TERF1: variants seen among roughly 807,000 people sequenced by gnomAD.
The protein encoded by TERF1 is telomeric repeat binding factor 1, also known as telomeric repeat-binding factor 1.
A neutral mutation model predicts 55.1 loss-of-function variants in TERF1; 20 were observed. The ratio of observed to expected loss-of-function variants is 0.36; its 90% CI spans 0.26 to 0.53. The LOEUF (loss-of-function observed/expected upper bound fraction) is 0.53, where lower values mean the gene tolerates loss of function less well. Among genes scored for constraint, TERF1 ranks in the 20% least tolerant of loss-of-function variants. The pLI, the probability that TERF1 is intolerant of heterozygous loss-of-function variation, is 0.91. For missense variants in TERF1, 439 were observed against 535.7 expected (o/e 0.82, Z 1.78); for synonymous variants, 168 against 181.2 (o/e 0.93, Z 0.59).
intron 6 of TERF1, among the ~76,000 whole-genome samples, chr8:73,029,489 G>A (rs547911221): frequency 2.0e-5 from 3 of 152,196 alleles, no homozygotes; most frequent in African/African-American, 7.2e-5. Context: ...GGTGGTGCAT[G>A]CCTGTAGTGC....
At chr8:73,019,861 G>T (rs1029592262) in intron 2 of TERF1, among the ~76,000 whole-genome samples, 10 of 152,140 alleles carry the variant, frequency 6.6e-5, no homozygotes, top group Non-Finnish European at 1.5e-4. Flanking sequence ...GTCTGAAAGA[G>T]CTTCCCTCTC....
intron 8 of TERF1, among the ~76,000 whole-genome samples, chr8:73,037,422 T>TATATATAATATATA (rs59280244): frequency 1.5e-5 from 2 of 130,088 alleles, no homozygotes; most frequent in African/African-American, 6.0e-5. Flanking sequence ...TATAAATTTT[T>TATATATAATATATA]ATATATAATA....
intron 4 of TERF1, among the ~76,000 whole-genome samples, chr8:73,023,719 A>G (rs1808865260): frequency 6.6e-6 from 1 of 152,230 alleles, no homozygotes; most frequent in Admixed American, 6.5e-5. Flanking sequence ...ATGTTGCCTC[A>G]TTAGGGCAAT....
intron 7 of TERF1, 22 bp from the exon 8 acceptor site, chr8:73,032,020 A>G (rs2129842746): frequency 1.3e-6 from 2 of 1,575,744 alleles, no homozygotes; most frequent in East Asian, 4.5e-5. Flanking sequence ...AGCCAATTAC[A>G]AACTTTCCTG....
Position 73,008,991 on chromosome 8 carries a change from C to T in TERF1, c.105C>T (p.Asp35=). ...EEQMAETERN[D]EEQFECQELL... is the part of the protein sequence containing the mutation. Reference sequence around the variant, plus strand: ...AGATGGCAGAAACAGAGAGAAACGACGAGGAGCAGTTCGAATGCCAGGAAC... The same window carrying T: ...AGATGGCAGAAACAGAGAGAAACGATGAGGAGCAGTTCGAATGCCAGGAAC... The change falls in exon 1 of 10, where the codon GAC becomes GAT. Residue 35 remains aspartate (D), a synonymous_variant. Transcript: ENST00000276603. 6.2e-7 allele frequency: 1 copy of T among 1,612,516 alleles called. No homozygotes were observed. The highest frequency in any genetic ancestry group is 1.3e-5 in the African/African-American group (1 of 75,016).
chr8:73,024,763 A>G (rs1808906105), intron 4 of TERF1, 59 bp from the exon 5 acceptor site: 1 of 1,210,142 alleles, frequency 8.3e-7, no homozygotes, highest in Non-Finnish European at 1.1e-6. Context: ...TGTGACAAAA[A>G]TCGTTGTATC....
chr8:73,026,944 C>T lies in TERF1; in HGVS notation c.779C>T (p.Ala260Val), dbSNP rs748194937. The T allele has an allele frequency of 4.7e-5, 76 of 1,609,674 alleles. No individual in the cohort carries two copies. The highest frequency in any genetic ancestry group is 6.0e-5 in the Non-Finnish European group (71 of 1,179,052). The change falls in exon 6 of 10, where the codon GCG becomes GTG. Residue 260 changes from alanine to valine, a missense_variant. By Grantham distance (64) the Ala-to-Val change is moderately conservative (BLOSUM62 0). This residue lies in a region of TERF1 where 140 missense variants were observed against 158.6 expected (regional missense o/e 0.88). Coordinates refer to ENST00000276603, the MANE Select transcript of TERF1 (RefSeq NM_017489.3). ...EKSSTFLMKAAAKVVESKRTR... is the reference protein window; with the variant it reads ...EKSSTFLMKAVAKVVESKRTR... ...CCTCCACGCACGTTTTTTAAGGCAG[C>T]GGCAAAAGTAGTAGAAAGCAAAAGG... is the stretch of plus-strand genomic sequence containing the variant.
At chr8:73,013,746 G>C (rs1298238187) in intron 1 of TERF1, 149 bp from the exon 2 acceptor site, 1 of 546,214 alleles carries the variant, frequency 1.8e-6, no homozygotes, top group Non-Finnish European at 3.3e-6. Context: ...CTTTTTTTTT[G>C]TTCTGAATTT....
chr8:73,044,791 A>G (rs73312618), intron 9 of TERF1, among the ~76,000 whole-genome samples: 2,026 of 151,850 alleles, frequency 0.013, 44 homozygotes, highest in African/African-American at 0.047. Context: ...CAGAAGTAGC[A>G]TAGTATTTTT....
chr8:73,016,330 T>C (rs947438599), intron 2 of TERF1, among the ~76,000 whole-genome samples: 4 of 152,038 alleles, frequency 2.6e-5, no homozygotes. Flanking sequence ...TTTGACAAGA[T>C]TGGACATGTT....
In TERF1 at chr8:73,044,012, G is replaced by A. The variant is rs367895604; in HGVS notation, c.1144-1949G>A. ...GATACTATACTTTTCTGTGGAGTAC[G>A]TCTGTAAGATTTATATGACCCCAAA... On this transcript the variant is annotated intron_variant, in intron 9 of 9. Transcript: ENST00000276603. Among the ~76,000 whole-genome samples, 20 of 152,128 alleles carry A rather than the reference G, an allele frequency of 1.3e-4. No homozygotes were observed. In the East Asian group the frequency reaches 2.9e-3, roughly 22 times the overall value.
chr8:73,039,773 GTGTGTGTGTGT>G (rs1563473977), intron 9 of TERF1, among the ~76,000 whole-genome samples: 1 of 68,140 alleles, frequency 1.5e-5, no homozygotes, highest in African/African-American at 8.9e-5. Flanking sequence ...TTTTTGTGGT[GTGTGTGTGTGT>G]GTGTGTGTGT....
chr8:73,016,229 T>G (rs1174299228), intron 2 of TERF1, among the ~76,000 whole-genome samples: 1 of 152,162 alleles, frequency 6.6e-6, no homozygotes, highest in Non-Finnish European at 1.5e-5. Context: ...ATATTTTAGC[T>G]GTGCAGTAAT....
intron 1 of TERF1, 169 bp downstream of exon 1, chr8:73,009,374 T>C: frequency 1.6e-6 from 1 of 619,410 alleles, no homozygotes; most frequent in Non-Finnish European, 2.8e-6. Flanking sequence ...GGTTCGCCCG[T>C]TGTCAGCACC....
intron 9 of TERF1, among the ~76,000 whole-genome samples, chr8:73,044,810 G>C (rs922235605): frequency 5.7e-4 from 87 of 151,886 alleles, no homozygotes; most frequent in African/African-American, 2.1e-3. Flanking sequence ...TTCTTTTTCT[G>C]TCTAACCTAA....
chr8:73,037,096 C>A (rs1192142647), intron 8 of TERF1, among the ~76,000 whole-genome samples: 5 of 127,482 alleles, frequency 3.9e-5, no homozygotes, highest in South Asian at 2.3e-4. Context: ...TAATATATAT[C>A]ATATATTATA....
At chr8:73,043,822 G>A (rs1809927962) in intron 9 of TERF1, among the ~76,000 whole-genome samples, 1 of 152,216 alleles carries the variant, frequency 6.6e-6, no homozygotes, top group African/African-American at 2.4e-5. Flanking sequence ...AAACAATGCT[G>A]TATATGTGTA....
chr8:73,030,002 T>TA, intron 6 of TERF1: 1 of 178,542 alleles, frequency 5.6e-6, no homozygotes, highest in Non-Finnish European at 1.2e-5. Context: ...CCATGCTTTT[T>TA]ATGTATCAAT....
chr8:73,036,487 C>T (rs1809514935), intron 8 of TERF1, among the ~76,000 whole-genome samples: 1 of 152,074 alleles, frequency 6.6e-6, no homozygotes, highest in South Asian at 2.1e-4. Context: ...AGAGAACTGA[C>T]ACCATTACAT....
Sources: gnomAD v4.1 joint callset for allele counts (sites outside exome capture counted in the v4.1 genomes callset) on GRCh38, gnomAD v4.1.1 for gene constraint, gnomAD v4.1.1 regional missense constraint, MANE v1.5 for transcripts, NCBI Gene and HGNC (gene_info 2026-07-23, HGNC 2026-07-21) for gene names.